Variants in MCPH1 observed in about 807,000 individuals in gnomAD.
MCPH1 encodes microcephalin 1, also known as microcephalin.
MCPH1 carries 104 observed loss-of-function variants against 84.5 expected under a neutral mutation model. That is an observed-to-expected ratio of 1.23 (90% CI 1.05 to 1.45). The LOEUF (loss-of-function observed/expected upper bound fraction) is 1.45. Ranked by LOEUF, MCPH1 falls within the 40% of genes most tolerant of loss-of-function variation. The pLI is 0.00. For synonymous variants in MCPH1, 514 were observed against 366.8 expected (o/e 1.40, Z -4.58); for missense variants, 1,498 against 1,005.7 (o/e 1.49, Z -6.62).
At chr8:6,570,803 GTTTTTTTTT>G (rs10548398) in intron 12 of MCPH1, among the ~76,000 whole-genome samples, 23 of 108,698 alleles carry the variant, frequency 2.1e-4, no homozygotes, top group Admixed American at 1.7e-3. Flanking sequence ...ATGGATTGTT[GTTTTTTTTT>G]TTTTTTTTTT....
intron 12 of MCPH1, among the ~76,000 whole-genome samples, chr8:6,583,460 C>G (rs955857228): frequency 6.6e-6 from 1 of 152,224 alleles, no homozygotes; most frequent in African/African-American, 2.4e-5. Flanking sequence ...TTCTTGCCAT[C>G]TGGGATGTGC....
rs536309722 is a variant in MCPH1, at chr8:6,625,943, T to TTTA, written c.2452+4262_2452+4264dup. On this transcript the variant is annotated intron_variant, in intron 13 of 13. Transcript: ENST00000344683. ...GAGAAGTTTCTTTTCTTTTCCTTTC[T>TTTA]TTATTATTATTAGTATTCTGTGGCC... 6 of 985,018 alleles carry TTTA rather than the reference T, an allele frequency of 6.1e-6. No homozygotes were observed. In the South Asian group the frequency reaches 2.8e-4, roughly 46 times the overall value. The allele number at this position is 985,018 out of a possible 1,614,324, so 61.0% of individuals were successfully genotyped here.
chr8:6,555,902 TC>T (rs1334373766), intron 12 of MCPH1, among the ~76,000 whole-genome samples: 1 of 152,216 alleles, frequency 6.6e-6, no homozygotes, highest in Non-Finnish European at 1.5e-5. Flanking sequence ...TTGCTTGTTT[TC>T]CTAGCAGCTT....
At chr8:6,497,122 T>A (rs1472405904) in intron 11 of MCPH1, among the ~76,000 whole-genome samples, 4 of 152,130 alleles carry the variant, frequency 2.6e-5, no homozygotes, top group African/African-American at 9.7e-5. Flanking sequence ...AAGTGCAACA[T>A]TTACCGATAT....
chr8:6,445,548 G>C lies in MCPH1; in HGVS notation c.1825+1G>C, dbSNP rs749375288. 5 of 1,581,382 alleles carry C rather than the reference G, an allele frequency of 3.2e-6. No individual in the cohort carries two copies. In the African/African-American group the frequency reaches 5.5e-5, roughly 17 times the overall value. On this transcript the variant is annotated splice_donor_variant, in intron 8 of 13. Transcript: ENST00000344683. LOFTEE classifies it high-confidence loss of function. ...AACTTACCCGGAGGATACAGTGGAA[G>C]TATGTGAATCTCCTTTTCCAAGTCA...
rs113818582 is a variant in MCPH1 at position 6,408,402 on chromosome 8, T to G, written c.23-877T>G. On this transcript the variant is annotated intron_variant, in intron 1 of 13. Coordinates refer to ENST00000344683, the MANE Select transcript of MCPH1 (RefSeq NM_024596.5). ...TTTATTTTTTAATTTATTATTTTTT[T>G]GTAGAGCCAGGGTCTCACTATGTTG... Among the ~76,000 whole-genome samples the G allele has an allele frequency of 1.6e-4, 24 of 152,272 alleles. 1 individual carries two copies. The highest frequency in any genetic ancestry group is 5.3e-4 in the African/African-American group (22 of 41,564).
intron 12 of MCPH1, chr8:6,502,632 T>C (rs1309153696): frequency 6.5e-6 from 1 of 152,956 alleles, no homozygotes. Context: ...GCTTAGAGAG[T>C]TTTTTTCTTC....
At chr8:6,438,595 G>A (rs1209643877) in intron 5 of MCPH1, among the ~76,000 whole-genome samples, 1 of 152,196 alleles carries the variant, frequency 6.6e-6, no homozygotes, top group African/African-American at 2.4e-5. Flanking sequence ...CCTGAGACAA[G>A]AAACAGAAAC....
rs1172474776 is a variant in MCPH1 at position 6,444,784 on chromosome 8, A to G, written c.1062A>G (p.Val354=). The part of the protein sequence containing the change: ...LIHSRPRSSS[V]KRKRVSHGSH... ...ATTCAAGACCCAGGAGTTCCTCAGT[A>G]AAGAGAAAAAGAGTATCACATGGCT... is the stretch of plus-strand genomic sequence containing the variant. Residue 354 remains valine (V), a synonymous_variant, in exon 8 of 14, where the codon GTA becomes GTG. Coordinates refer to ENST00000344683, the MANE Select transcript of MCPH1 (RefSeq NM_024596.5). 3 of 1,614,098 alleles carry G rather than the reference A, an allele frequency of 1.9e-6. No homozygotes were observed. The highest frequency in any genetic ancestry group is 2.5e-6 in the Non-Finnish European group (3 of 1,179,996).
chr8:6,531,294 T>TTTC (rs11385953), intron 12 of MCPH1, among the ~76,000 whole-genome samples: 2,279 of 122,906 alleles, frequency 0.019, 44 homozygotes, highest in African/African-American at 0.06. Flanking sequence ...TCTTTCTTTC[T>TTTC]TTTTTTTTTT....
chr8:6,501,024 A>G (rs1047972218), intron 12 of MCPH1: 1 of 152,306 alleles, frequency 6.6e-6, no homozygotes, highest in South Asian at 2.1e-4. Context: ...TCTTATTTTC[A>G]GTTGTTTTTC....
chr8:6,551,848 T>C (rs1823704177), intron 12 of MCPH1, among the ~76,000 whole-genome samples: 1 of 152,194 alleles, frequency 6.6e-6, no homozygotes, highest in South Asian at 2.1e-4. Flanking sequence ...TCGAGCAGAA[T>C]TTTTACACCA....
At chr8:6,473,472 T>C (rs550143881) in intron 9 of MCPH1, among the ~76,000 whole-genome samples, 1 of 151,832 alleles carries the variant, frequency 6.6e-6, no homozygotes, top group East Asian at 1.9e-4. Flanking sequence ...GCTGGGACTA[T>C]AGGTGCCCAC....
At chr8:6,630,122 A>C (rs76000871) in intron 13 of MCPH1, among the ~76,000 whole-genome samples, 3,448 of 152,334 alleles carry the variant, frequency 0.023, 65 homozygotes, top group Middle Eastern at 0.041. Flanking sequence ...AGAACACAGG[A>C]GGAAAGAAAT....
intron 13 of MCPH1, among the ~76,000 whole-genome samples, chr8:6,638,036 C>T (rs530049950): frequency 1.3e-5 from 2 of 152,204 alleles, no homozygotes; most frequent in South Asian, 2.1e-4. Context: ...ACGGAAGGAG[C>T]AGTGGTTTAT....
intron 12 of MCPH1, among the ~76,000 whole-genome samples, chr8:6,507,127 A>T (rs1014435017): frequency 6.6e-6 from 1 of 152,114 alleles, no homozygotes; most frequent in Non-Finnish European, 1.5e-5. Context: ...CAAACTCCTG[A>T]CCTCAGGTGA....
At chr8:6,560,782 C>G (rs1029223601) in intron 12 of MCPH1, among the ~76,000 whole-genome samples, 5 of 152,248 alleles carry the variant, frequency 3.3e-5, no homozygotes, top group Middle Eastern at 6.8e-3. Context: ...CTCAAAGACC[C>G]AAGAGAAGGG....
chr8:6,465,851 G>T (rs1806830249), intron 9 of MCPH1, among the ~76,000 whole-genome samples: 1 of 152,118 alleles, frequency 6.6e-6, no homozygotes, highest in Non-Finnish European at 1.5e-5. Context: ...CTTTAAATGT[G>T]AGTGGTTTTC....
At position 6,631,729 on chromosome 8, in the gene MCPH1, G is replaced by T. The variant is rs28714299; in HGVS notation, c.2452+10038G>T. 7.3e-3 allele frequency among the ~76,000 whole-genome samples: 1,111 copies of T among 151,652 alleles called. 11 individuals are homozygous for T. The highest frequency in any genetic ancestry group is 0.025 in the African/African-American group (1,047 of 41,390). ...AATTGGAACCTTGTGTCTGCCTCATGTAATGTTGGGAATGTAAGATATTGT... is the reference window on the plus strand; with the variant it reads ...AATTGGAACCTTGTGTCTGCCTCATTTAATGTTGGGAATGTAAGATATTGT... On this transcript the variant is annotated intron_variant, in intron 13 of 13. Coordinates refer to ENST00000344683, the MANE Select transcript of MCPH1 (RefSeq NM_024596.5).
Sources: gnomAD v4.1 joint callset for allele counts (sites outside exome capture counted in the v4.1 genomes callset) on GRCh38, gnomAD v4.1.1 for gene constraint, MANE v1.5 for transcripts, NCBI Gene and HGNC (gene_info 2026-07-23, HGNC 2026-07-21) for gene names.